Variants in KIRREL3 observed in about 807,000 individuals in gnomAD.
KIRREL3 encodes kirre like nephrin family adhesion molecule 3.
Under a neutral mutation model 89.7 loss-of-function variants are expected in KIRREL3, and 36 were observed. That is an observed-to-expected ratio of 0.40 (90% CI 0.31 to 0.53). KIRREL3 has a LOEUF of 0.53. Among genes scored for constraint, KIRREL3 ranks in the 20% least tolerant of loss-of-function variants. The pLI, the probability that KIRREL3 is intolerant of heterozygous loss-of-function variation, is 0.49. For synonymous variants in KIRREL3, 445 were observed against 441.4 expected (o/e 1.01, Z -0.10); for missense variants, 864 against 1,056.6 (o/e 0.82, Z 2.53).
rs1947077850 is a variant in KIRREL3 at position 126,917,251 on chromosome 11, G to A, written c.55+83204C>T. ...CACTTATATGAAGTATTCAGAATAG[G>A]CAAATTCATAAAAATAAAAAATAGA... On this transcript the variant is annotated intron_variant, in intron 1 of 16. Coordinates refer to ENST00000525144, the MANE Select transcript of KIRREL3 (RefSeq NM_032531.4). The surrounding 1 kb of genome is among the most constrained non-coding windows in gnomAD (Gnocchi z 5.0). Among the ~76,000 whole-genome samples, 1 of 152,088 alleles carries A rather than the reference G, an allele frequency of 6.6e-6. No homozygotes were observed. Among genetic ancestry groups the A allele is most frequent in the African/African-American group, 2.4e-5 (1 of 41,408 alleles).
chr11:126,980,255 T>C (rs1050621573), intron 1 of KIRREL3, among the ~76,000 whole-genome samples: 2 of 152,116 alleles, frequency 1.3e-5, no homozygotes, highest in Non-Finnish European at 2.9e-5. Context: ...CTTTTTCTGG[T>C]GGAAGCTTGA....
chr11:126,897,159 G>T lies in KIRREL3; in HGVS notation c.55+103296C>A, dbSNP rs1565395433. Among the ~76,000 whole-genome samples, 1 of 152,206 alleles carries T rather than the reference G, an allele frequency of 6.6e-6. No individual in the cohort carries two copies. The highest frequency in any genetic ancestry group is 1.5e-5 in the Non-Finnish European group (1 of 68,010). On this transcript the variant is annotated intron_variant, in intron 1 of 16. Transcript: ENST00000525144. This position sits in a 1 kb window ranked among gnomAD's most constrained non-coding sequence, Gnocchi z 4.2. ...AAGCAAACCCTTCTGGTCACCCTGG[G>T]TCAGAGGAGCACAGGTGGTCCCATG...
In KIRREL3 at chr11:126,462,958, G is replaced by T. The variant is rs2134252291; in HGVS notation, c.742+199C>A. On this transcript the variant is annotated intron_variant, in intron 6 of 16. Coordinates refer to ENST00000525144, the MANE Select transcript of KIRREL3 (RefSeq NM_032531.4). The surrounding 1 kb of genome is among the most constrained non-coding windows in gnomAD (Gnocchi z 4.8). ...TGGCCTGAAGATGTCCTTTGCGAAA[G>T]ACCCTCATCTGTGAGGTTGCATCTC... Among the ~76,000 whole-genome samples the T allele has an allele frequency of 6.6e-6, 1 of 152,320 alleles. No homozygotes were observed. The highest frequency in any genetic ancestry group is 3.4e-3 in the Middle Eastern group (1 of 294).
intron 1 of KIRREL3, among the ~76,000 whole-genome samples, chr11:126,902,452 G>A (rs543802854): frequency 6.6e-6 from 1 of 152,192 alleles, no homozygotes; most frequent in Non-Finnish European, 1.5e-5. Flanking sequence ...ATAGTTGCTC[G>A]TGACTTTAAA....
rs539644885 is a variant in KIRREL3 at position 126,708,078 on chromosome 11, G to A, written c.56-145166C>T. On this transcript the variant is annotated intron_variant, in intron 1 of 16. Transcript: ENST00000525144. This position sits in a 1 kb window ranked among gnomAD's most constrained non-coding sequence, Gnocchi z 5.7. ...AGGTGATGATCTCCATAGGTCCCAGGGTATCCGTGCCCCGTTTGATCAGAA... is the reference window on the plus strand; with the variant it reads ...AGGTGATGATCTCCATAGGTCCCAGAGTATCCGTGCCCCGTTTGATCAGAA... 6.6e-6 allele frequency among the ~76,000 whole-genome samples: 1 copy of A among 152,154 alleles called. No individual in the cohort carries two copies. The highest frequency in any genetic ancestry group is 2.1e-4 in the South Asian group (1 of 4,814).
chr11:126,674,006 C>T (rs1211422575), intron 1 of KIRREL3, among the ~76,000 whole-genome samples: 1 of 152,194 alleles, frequency 6.6e-6, no homozygotes, highest in African/African-American at 2.4e-5. Context: ...ATGGGTAACC[C>T]CTTAACTGCC....
chr11:126,916,669 C>T (rs890744479), intron 1 of KIRREL3, among the ~76,000 whole-genome samples: 4 of 152,146 alleles, frequency 2.6e-5, no homozygotes, highest in South Asian at 2.1e-4. Flanking sequence ...ATGTAGATCA[C>T]GGGACAGGAA....
chr11:126,643,660 T>A lies in KIRREL3; in HGVS notation c.56-80748A>T, dbSNP rs938809895. On this transcript the variant is annotated intron_variant, in intron 1 of 16. Coordinates refer to ENST00000525144, the MANE Select transcript of KIRREL3 (RefSeq NM_032531.4). This position sits in a 1 kb window ranked among gnomAD's most constrained non-coding sequence, Gnocchi z 4.5. ...TAACTGTGGTTTAGGAAGATCAATGTGGCAACACAATGAGTAGGATTGTAC... is the reference window on the plus strand; with the variant it reads ...TAACTGTGGTTTAGGAAGATCAATGAGGCAACACAATGAGTAGGATTGTAC... Among the ~76,000 whole-genome samples the A allele has an allele frequency of 2.6e-5, 4 of 152,250 alleles. No individual in the cohort carries two copies. Among genetic ancestry groups the A allele is most frequent in the African/African-American group, 9.6e-5 (4 of 41,466 alleles).
chr11:126,932,154 A>C (rs961317233), intron 1 of KIRREL3, among the ~76,000 whole-genome samples: 2 of 152,122 alleles, frequency 1.3e-5, no homozygotes, highest in Admixed American at 6.5e-5. Flanking sequence ...TGACACTCCT[A>C]TCCTGATTCT....
In KIRREL3 at chr11:126,606,833, A is replaced by G. The variant is rs562841451; in HGVS notation, c.56-43921T>C. 6.6e-6 allele frequency among the ~76,000 whole-genome samples: 1 copy of G among 151,880 alleles called. No individual in the cohort carries two copies. Among genetic ancestry groups the G allele is most frequent in the African/African-American group, 2.4e-5 (1 of 41,332 alleles). On this transcript the variant is annotated intron_variant, in intron 1 of 16. Coordinates refer to ENST00000525144, the MANE Select transcript of KIRREL3 (RefSeq NM_032531.4). The surrounding 1 kb of genome is among the most constrained non-coding windows in gnomAD (Gnocchi z 4.6). ...TTCTGCACTCTTTTTTTCTTTCTTT[A>G]AAAGCTTAGACTGATTAAAGATGGG...
chr11:126,426,905 ACTT>A (rs1282077898), intron 15 of KIRREL3, among the ~76,000 whole-genome samples: 3 of 152,166 alleles, frequency 2.0e-5, no homozygotes, highest in African/African-American at 7.2e-5. Flanking sequence ...ATCAGATTCA[ACTT>A]CTAAGTCTGC....
chr11:126,680,328 C>T (rs1468790797), intron 1 of KIRREL3, among the ~76,000 whole-genome samples: 3 of 152,084 alleles, frequency 2.0e-5, no homozygotes, highest in Non-Finnish European at 4.4e-5. Flanking sequence ...GCTAATGGTA[C>T]TTAGCATGCA....
chr11:126,622,547 G>C lies in KIRREL3; in HGVS notation c.56-59635C>G, dbSNP rs1354170363. ...GCACCTTCATTACAAAAGTTAGCCAGGTATGGTGGCATGTGCCTGTAATCC... is the reference window on the plus strand; with the variant it reads ...GCACCTTCATTACAAAAGTTAGCCACGTATGGTGGCATGTGCCTGTAATCC... On this transcript the variant is annotated intron_variant, in intron 1 of 16. Transcript: ENST00000525144. The surrounding 1 kb of genome is among the most constrained non-coding windows in gnomAD (Gnocchi z 5.2). 1.3e-5 allele frequency among the ~76,000 whole-genome samples: 2 copies of C among 152,174 alleles called. No individual in the cohort carries two copies. The highest frequency in any genetic ancestry group is 4.8e-5 in the African/African-American group (2 of 41,452).
intron 1 of KIRREL3, among the ~76,000 whole-genome samples, chr11:126,986,865 T>G (rs1949881370): frequency 6.6e-6 from 1 of 152,202 alleles, no homozygotes; most frequent in Non-Finnish European, 1.5e-5. Context: ...CTATCAGCAG[T>G]GTCCACATGG....
rs1486476837 is a variant in KIRREL3, at chr11:126,441,631, G to T, written c.1253-1082C>A. On this transcript the variant is annotated intron_variant, in intron 10 of 16. Transcript: ENST00000525144. The surrounding 1 kb of genome is among the most constrained non-coding windows in gnomAD (Gnocchi z 5.0). ...GAGCAACGCATCTGGAGAACACACA[G>T]AATTATGCAGGAACAAAACAAAAAT... is the stretch of plus-strand genomic sequence containing the variant. Among the ~76,000 whole-genome samples the T allele has an allele frequency of 6.6e-6, 1 of 152,234 alleles. No homozygotes were observed. Among genetic ancestry groups the T allele is most frequent in the Admixed American group, 6.5e-5 (1 of 15,286 alleles).
chr11:126,849,814 A>T (rs916380201), intron 1 of KIRREL3, among the ~76,000 whole-genome samples: 1 of 152,160 alleles, frequency 6.6e-6, no homozygotes, highest in Non-Finnish European at 1.5e-5. Flanking sequence ...CCTGTTGAGG[A>T]TGGAGGTGCC....
In KIRREL3 at chr11:126,449,073, G is replaced by T; in HGVS notation, c.933C>A (p.Pro311=). ...TTVDYTYFSE[P]VSCEVTNALG... is the part of the protein sequence containing the mutation. ...GGGCGTTGGTCACCTCACAGGAGACGGGCTCTGAGAAGTACGTGTAGTCCA... is the reference window on the plus strand; with the variant it reads ...GGGCGTTGGTCACCTCACAGGAGACTGGCTCTGAGAAGTACGTGTAGTCCA... The change falls in exon 8 of 17, where the codon CCC becomes CCA. Residue 311 remains proline, a synonymous_variant. Coordinates refer to ENST00000525144, the MANE Select transcript of KIRREL3 (RefSeq NM_032531.4). The T allele has an allele frequency of 1.2e-6, 2 of 1,613,952 alleles. No individual in the cohort carries two copies. Among genetic ancestry groups the T allele is most frequent in the Non-Finnish European group, 1.7e-6 (2 of 1,179,848 alleles).
chr11:126,923,972 G>A (rs551294309), intron 1 of KIRREL3, among the ~76,000 whole-genome samples: 35 of 152,250 alleles, frequency 2.3e-4, no homozygotes, highest in African/African-American at 7.9e-4. Context: ...TGGCTCACCC[G>A]CTTGTTTAAG....
intron 1 of KIRREL3, among the ~76,000 whole-genome samples, chr11:126,735,057 G>A (rs371151867): frequency 7.2e-5 from 11 of 152,330 alleles, no homozygotes; most frequent in African/African-American, 2.6e-4. Flanking sequence ...GCTTTCCTAT[G>A]GGACTGTTGT....
Sources: allele counts gnomAD v4.1 joint callset (sites outside exome capture counted in the v4.1 genomes callset), GRCh38; gene constraint gnomAD v4.1.1; non-coding constraint Gnocchi (gnomAD v3.1); transcripts MANE v1.5; gene names NCBI Gene and HGNC (gene_info 2026-07-23, HGNC 2026-07-21).